Variants in GLDC observed in about 807,000 individuals in gnomAD.
GLDC encodes the protein glycine decarboxylase.
GLDC carries 104 observed loss-of-function variants against 121.3 expected under a neutral mutation model. The ratio of observed to expected loss-of-function variants is 0.86; its 90% confidence interval spans 0.73 to 1.01. GLDC has a LOEUF of 1.01. Ranked by LOEUF, GLDC falls within the 50% of genes least tolerant of loss-of-function variation. The pLI is 0.00. For missense variants in GLDC, 1,429 were observed against 1,306.6 expected (o/e 1.09, Z -1.44); for synonymous variants, 546 against 480.6 (o/e 1.14, Z -1.78).
At chr9:6,558,786 A>G in intron 16 of GLDC, 102 bp from the exon 17 acceptor site, 6 of 1,216,744 alleles carry the variant, frequency 4.9e-6, no homozygotes, top group Non-Finnish European at 7.2e-6. Flanking sequence ...ATTAGACACC[A>G]CCTGTTTTTA....
intron 2 of GLDC, among the ~76,000 whole-genome samples, chr9:6,620,654 A>T (rs1205008183): frequency 1.3e-5 from 2 of 152,186 alleles, no homozygotes; most frequent in East Asian, 3.8e-4. Context: ...ATATACGCTA[A>T]ATAAAAATTC....
At chr9:6,606,201 C>T (rs566318687) in intron 5 of GLDC, 40 of 238,656 alleles carry the variant, frequency 1.7e-4, no homozygotes, top group African/African-American at 9.4e-4. Flanking sequence ...CCCAGCAACT[C>T]GGGAGGCTGA....
At chr9:6,617,958 C>A (rs186272235) in intron 3 of GLDC, among the ~76,000 whole-genome samples, 2 of 152,288 alleles carry the variant, frequency 1.3e-5, no homozygotes, top group East Asian at 3.9e-4. Flanking sequence ...AATCTAAAAG[C>A]CAATCTGTGC....
intron 10 of GLDC, 66 bp from the exon 11 acceptor site, chr9:6,592,289 G>A (rs1818390202): frequency 2.0e-6 from 2 of 1,002,418 alleles, no homozygotes; most frequent in Non-Finnish European, 3.2e-6. Flanking sequence ...GGAATCCCAA[G>A]AGAGGTCAAA....
At chr9:6,544,261 C>T (rs773606426) in intron 21 of GLDC, among the ~76,000 whole-genome samples, 2 of 152,070 alleles carry the variant, frequency 1.3e-5, no homozygotes, top group Non-Finnish European at 2.9e-5. Flanking sequence ...GTCAGGTAAG[C>T]GGGACTGAGC....
intron 20 of GLDC, 73 bp from the exon 21 acceptor site, chr9:6,550,987 C>T (rs1817504174): frequency 2.1e-6 from 2 of 951,280 alleles, no homozygotes; most frequent in African/African-American, 3.2e-5. Context: ...AACCAAAAGA[C>T]ACCCCCAGAT....
intron 22 of GLDC, among the ~76,000 whole-genome samples, chr9:6,536,769 A>G (rs531204825): frequency 2.3e-4 from 35 of 152,348 alleles, no homozygotes; most frequent in African/African-American, 7.7e-4. Flanking sequence ...ATTATAGCTT[A>G]TCAAAAGTTA....
intron 11 of GLDC, 104 bp downstream of exon 11, chr9:6,592,039 A>G: frequency 1.3e-6 from 1 of 767,916 alleles, no homozygotes; most frequent in South Asian, 1.4e-5. Flanking sequence ...ACAAGCTACC[A>G]GTGTCACACT....
chr9:6,598,222 A>G (rs1172763567), intron 8 of GLDC, among the ~76,000 whole-genome samples: 3 of 152,050 alleles, frequency 2.0e-5, no homozygotes, highest in Admixed American at 1.3e-4. Flanking sequence ...TATAGACAGG[A>G]GTCTCACTAT....
intron 2 of GLDC, among the ~76,000 whole-genome samples, chr9:6,630,270 G>GA (rs918547067): frequency 8.8e-4 from 134 of 151,670 alleles, no homozygotes; most frequent in African/African-American, 3.1e-3. Context: ...CTCTGTCTCA[G>GA]AAAAAAAATA....
chr9:6,631,017 T>TA (rs1437380338), intron 2 of GLDC, among the ~76,000 whole-genome samples: 1 of 152,180 alleles, frequency 6.6e-6, no homozygotes, highest in Non-Finnish European at 1.5e-5. Flanking sequence ...AGCCAATCCA[T>TA]ACGCTACGCT....
intron 9 of GLDC, 118 bp downstream of exon 9, chr9:6,594,896 C>G (rs1563852394): frequency 5.4e-6 from 4 of 737,992 alleles, no homozygotes; most frequent in Non-Finnish European, 9.9e-6. Flanking sequence ...AGTATTTTTC[C>G]TCGTTTCTCA....
At chr9:6,588,135 G>A (rs1818306997) in intron 14 of GLDC, among the ~76,000 whole-genome samples, 1 of 98,970 alleles carries the variant, frequency 1.0e-5, no homozygotes, top group Non-Finnish European at 1.9e-5. Flanking sequence ...GGGGGTGGGG[G>A]AGGGATAGGA....
At chr9:6,603,435 C>A (rs1217393378) in intron 7 of GLDC, among the ~76,000 whole-genome samples, 1 of 150,610 alleles carries the variant, frequency 6.6e-6, no homozygotes, top group East Asian at 2.0e-4. Flanking sequence ...TATGGTGAAA[C>A]CCTGTTTTTA....
intron 2 of GLDC, among the ~76,000 whole-genome samples, chr9:6,620,879 C>T (rs192095344): frequency 3.9e-5 from 6 of 152,330 alleles, no homozygotes; most frequent in African/African-American, 1.4e-4. Flanking sequence ...CAAAGACCCT[C>T]ATGCAGGGCT....
intron 8 of GLDC, among the ~76,000 whole-genome samples, chr9:6,595,440 A>C (rs1250405365): frequency 1.3e-5 from 2 of 152,238 alleles, no homozygotes; most frequent in Non-Finnish European, 2.9e-5. Flanking sequence ...AGCAATGTTT[A>C]ATGTTGGAAG....
At chr9:6,611,599 C>G (rs913668402) in intron 3 of GLDC, among the ~76,000 whole-genome samples, 1 of 151,992 alleles carries the variant, frequency 6.6e-6, no homozygotes, top group Non-Finnish European at 1.5e-5. Flanking sequence ...TCTCCCACAT[C>G]AGCAAATATG....
rs1316788386 is a variant in GLDC, at chr9:6,604,716, T to G, written c.930A>C (p.Val310=). The change falls in exon 7 of 25, where the codon GTA becomes GTC. Residue 310 remains valine (V), a synonymous_variant. Transcript: ENST00000321612. ...CILRPPGEFG[V]DIALGSSQRF... ...TCTGGGAGCTGCCCAGGGCGATGTC[T>G]ACCCCAAATTCTCCAGGTGGCCTCA... The G allele has an allele frequency of 5.6e-6, 9 of 1,613,966 alleles. No homozygotes were observed. The highest frequency in any genetic ancestry group is 7.6e-6 in the Non-Finnish European group (9 of 1,179,932).
chr9:6,598,464 A>T (rs1818535136), intron 8 of GLDC, among the ~76,000 whole-genome samples: 1 of 152,228 alleles, frequency 6.6e-6, no homozygotes, highest in South Asian at 2.1e-4. Flanking sequence ...CCCATCCACG[A>T]TGCGAAACTA....
Sources: allele counts gnomAD v4.1 joint callset (sites outside exome capture counted in the v4.1 genomes callset), GRCh38; gene constraint gnomAD v4.1.1; transcripts MANE v1.5; gene names NCBI Gene and HGNC (gene_info 2026-07-23, HGNC 2026-07-21).